Variants in SRGAP1 observed in about 807,000 individuals in gnomAD.
SRGAP1 encodes the protein SLIT-ROBO Rho GTPase-activating protein 1.
In SRGAP1, 43 loss-of-function variants were observed where a neutral mutation model predicts 121.9. The ratio of observed to expected loss-of-function variants is 0.35; its 90% CI spans 0.28 to 0.46. The LOEUF (loss-of-function observed/expected upper bound fraction) is 0.46, where lower values mean the gene tolerates loss of function less well. SRGAP1 is among the 20% of genes least tolerant of loss of function. SRGAP1 has a pLI of 1.00. For synonymous variants in SRGAP1, 447 were observed against 485.4 expected (o/e 0.92, Z 1.04); for missense variants, 1,102 against 1,350.9 (o/e 0.82, Z 2.89).
intron 3 of SRGAP1, among the ~76,000 whole-genome samples, chr12:63,993,794 A>G (rs1470781357): frequency 6.6e-6 from 1 of 152,178 alleles, no homozygotes; most frequent in East Asian, 1.9e-4. Flanking sequence ...TCAAGACTTA[A>G]ATCTTAATTA....
At chr12:63,919,034 G>A (rs76284724) in intron 1 of SRGAP1, among the ~76,000 whole-genome samples, 1 of 151,828 alleles carries the variant, frequency 6.6e-6, no homozygotes, top group Non-Finnish European at 1.5e-5. Flanking sequence ...TTGGGGAGGG[G>A]TGTTTTTTGT....
At chr12:64,114,770 A>G (rs556032406) in intron 17 of SRGAP1, among the ~76,000 whole-genome samples, 19 of 152,160 alleles carry the variant, frequency 1.2e-4, no homozygotes, top group Non-Finnish European at 2.4e-4. Flanking sequence ...ACATTTTGTG[A>G]TCGCTACTTT....
intron 6 of SRGAP1, among the ~76,000 whole-genome samples, chr12:64,051,315 T>C (rs2035235392): frequency 6.6e-6 from 1 of 152,186 alleles, no homozygotes; most frequent in Non-Finnish European, 1.5e-5. Flanking sequence ...TTCGATTTCC[T>C]ACATTTTATA....
At chr12:63,860,382 A>G (rs986915154) in intron 1 of SRGAP1, among the ~76,000 whole-genome samples, 1 of 152,234 alleles carries the variant, frequency 6.6e-6, no homozygotes, top group Non-Finnish European at 1.5e-5. Flanking sequence ...TACATTATGA[A>G]CTGAGAGTAA....
rs149590218 is a variant in SRGAP1 at position 64,148,799 on chromosome 12, G to T, written c.*6127G>T. ...ATTAGTGTAACAGTTCTCACGAGCT[G>T]ACACACTGATGTATCCACCACCCAG... On this transcript the variant is annotated 3_prime_UTR_variant, in exon 22 of 22. Transcript: ENST00000355086. The T allele has an allele frequency of 1.4e-4, 21 of 152,328 alleles. No homozygotes were observed. Among genetic ancestry groups the T allele is most frequent in the African/African-American group, 1.9e-4 (8 of 41,574 alleles). The allele number at this position is 152,328 out of a possible 1,614,324, so 9.4% of individuals were successfully genotyped here.
chr12:64,052,968 GTCTT>G (rs998279249), intron 6 of SRGAP1, among the ~76,000 whole-genome samples: 19 of 152,262 alleles, frequency 1.2e-4, no homozygotes, highest in Admixed American at 1.0e-3. Context: ...TTACTCCTGA[GTCTT>G]TCCAACAATT....
chr12:64,086,416 C>T (rs2035940108), intron 10 of SRGAP1, among the ~76,000 whole-genome samples: 1 of 152,152 alleles, frequency 6.6e-6, no homozygotes, highest in Non-Finnish European at 1.5e-5. Context: ...CTGTGAAAGG[C>T]TTTTAGCTTA....
At chr12:63,917,256 A>C (rs1311035525) in intron 1 of SRGAP1, among the ~76,000 whole-genome samples, 4 of 152,184 alleles carry the variant, frequency 2.6e-5, no homozygotes, top group African/African-American at 9.6e-5. Flanking sequence ...AGTAATTATT[A>C]TTCATCTGGG....
chr12:63,887,726 A>T (rs1207327135), intron 1 of SRGAP1: 4 of 152,266 alleles, frequency 2.6e-5, no homozygotes, highest in African/African-American at 9.6e-5. Flanking sequence ...ATGTGCTGTT[A>T]GTTCAAGGAA....
chr12:63,914,243 A>G (rs1183242766), intron 1 of SRGAP1, among the ~76,000 whole-genome samples: 1 of 152,216 alleles, frequency 6.6e-6, no homozygotes, highest in Non-Finnish European at 1.5e-5. Flanking sequence ...CCTTAAGGAT[A>G]GTTGAACCCG....
intron 1 of SRGAP1, among the ~76,000 whole-genome samples, chr12:63,907,551 TA>T (rs2030274757): frequency 6.6e-6 from 1 of 151,948 alleles, no homozygotes; most frequent in Non-Finnish European, 1.5e-5. Flanking sequence ...AAAAAAAAAT[TA>T]AAGTAAAATA....
At chr12:64,071,651 A>C (rs2035638103) in intron 8 of SRGAP1, among the ~76,000 whole-genome samples, 1 of 152,190 alleles carries the variant, frequency 6.6e-6, no homozygotes, top group South Asian at 2.1e-4. Flanking sequence ...GGCCGCAGGA[A>C]AACAGGTTTT....
At chr12:63,941,619 A>G (rs553728299) in intron 1 of SRGAP1, among the ~76,000 whole-genome samples, 2 of 151,878 alleles carry the variant, frequency 1.3e-5, no homozygotes, top group South Asian at 2.1e-4. Flanking sequence ...AAAATCCTCA[A>G]TGTAGCCAAG....
chr12:63,971,180 T>G (rs2136392187), intron 1 of SRGAP1, among the ~76,000 whole-genome samples: 1 of 152,338 alleles, frequency 6.6e-6, no homozygotes, highest in Non-Finnish European at 1.5e-5. Flanking sequence ...CTGATTTACC[T>G]GGGCAGAATT....
At chr12:63,977,979 C>G (rs545316911) in intron 1 of SRGAP1, among the ~76,000 whole-genome samples, 1 of 152,092 alleles carries the variant, frequency 6.6e-6, no homozygotes, top group Non-Finnish European at 1.5e-5. Flanking sequence ...GGTGAAAAGT[C>G]TTTCCTAATA....
intron 1 of SRGAP1, among the ~76,000 whole-genome samples, chr12:63,930,325 T>C (rs2031425112): frequency 8.7e-6 from 1 of 114,764 alleles, no homozygotes; most frequent in Non-Finnish European, 1.7e-5. Context: ...ACATCGTCTC[T>C]ACTAAAAAAA....
intron 18 of SRGAP1, among the ~76,000 whole-genome samples, chr12:64,117,299 A>AT (rs1179632274): frequency 6.6e-6 from 1 of 151,826 alleles, no homozygotes; most frequent in African/African-American, 2.4e-5. Context: ...TCTTTTGCCC[A>AT]TTTTTCTATT....
intron 8 of SRGAP1, among the ~76,000 whole-genome samples, chr12:64,073,972 C>T (rs1351105975): frequency 1.3e-5 from 2 of 152,106 alleles, no homozygotes; most frequent in African/African-American, 4.8e-5. Flanking sequence ...TTGAACCTTA[C>T]ATCATGTTAT....
intron 1 of SRGAP1, among the ~76,000 whole-genome samples, chr12:63,952,921 T>TA (rs1215082953): frequency 6.6e-6 from 1 of 152,164 alleles, no homozygotes; most frequent in Non-Finnish European, 1.5e-5. Context: ...ACTGGGATTA[T>TA]AGGCATGAGT....
Sources: gnomAD v4.1 joint callset for allele counts (sites outside exome capture counted in the v4.1 genomes callset) on GRCh38, gnomAD v4.1.1 for gene constraint, MANE v1.5 for transcripts, NCBI Gene and HGNC (gene_info 2026-07-23, HGNC 2026-07-21) for gene names.